The following DNAH9 variants were observed in gnomAD, a reference collection of about 807,000 sequenced individuals.
DNAH9 encodes the protein DNAH9 variant protein.
In DNAH9, 345 loss-of-function variants were observed where a neutral mutation model predicts 471.6. The observed-to-expected ratio is 0.73, with a 90% CI of 0.67 to 0.80. The LOEUF (loss-of-function observed/expected upper bound fraction) is 0.80. DNAH9 is among the 30% of genes least tolerant of loss of function. The pLI, the probability that DNAH9 is intolerant of heterozygous loss-of-function variation, is 0.00. For synonymous variants in DNAH9, 2,093 were observed against 2,123.6 expected, an observed-to-expected ratio of 0.99 and a Z score of 0.40; for missense variants, 5,407 against 5,609.2, an observed-to-expected ratio of 0.96 and a Z score of 1.15.
chr17:11,731,684 A>G (rs2075273642), intron 28 of DNAH9, among the ~76,000 whole-genome samples: 1 of 151,696 alleles, frequency 6.6e-6, no homozygotes. Flanking sequence ...TTTGCTGAGA[A>G]TGATTGTTTC....
At chr17:11,913,843 A>G (rs1973863219) in intron 61 of DNAH9, among the ~76,000 whole-genome samples, 1 of 151,994 alleles carries the variant, frequency 6.6e-6, no homozygotes. Flanking sequence ...CAAGTTTTAG[A>G]TAATTCTTTT....
At chr17:11,884,365 A>G (rs1401671353) in intron 56 of DNAH9, 1 of 282,376 alleles carries the variant, frequency 3.5e-6, no homozygotes, top group African/African-American at 2.2e-5. Flanking sequence ...AAGGGGCCCA[A>G]CCCCTGCTCT....
intron 10 of DNAH9, among the ~76,000 whole-genome samples, chr17:11,641,906 T>TG (rs749145245): frequency 2.0e-4 from 31 of 152,156 alleles, no homozygotes; most frequent in South Asian, 6.2e-4. Context: ...AAAGTTGCAA[T>TG]GGGGGTCTCA....
intron 40 of DNAH9, among the ~76,000 whole-genome samples, 163 bp from the exon 41 acceptor site, chr17:11,784,137 A>G (rs1968770501): frequency 6.6e-6 from 1 of 152,038 alleles, no homozygotes; most frequent in Non-Finnish European, 1.5e-5. Flanking sequence ...TTATTCCCCT[A>G]GTCATTTTAG....
intron 48 of DNAH9, among the ~76,000 whole-genome samples, chr17:11,833,288 A>T (rs895511811): frequency 3.9e-5 from 6 of 152,224 alleles, no homozygotes; most frequent in African/African-American, 1.2e-4. Flanking sequence ...TTCAACTTTA[A>T]TCTGGCCATC....
intron 67 of DNAH9, among the ~76,000 whole-genome samples, chr17:11,954,399 A>G (rs1975534989): frequency 6.6e-6 from 1 of 152,214 alleles, no homozygotes; most frequent in South Asian, 2.1e-4. Context: ...AACTGCTGAA[A>G]CCAGGGATAA....
At position 11,600,863 on chromosome 17, in the gene DNAH9, G is replaced by A. The variant is rs554129913; in HGVS notation, c.417+1948G>A. On this transcript the variant is annotated intron_variant, in intron 1 of 68. Transcript: ENST00000262442. ...ATTCACCCAACAATTTCCAAGTGTA[G>A]AGTACAATATTGTCAACCACATATG... Among the ~76,000 whole-genome samples the A allele has an allele frequency of 9.2e-5, 14 of 152,308 alleles. No individual in the cohort carries two copies. In the South Asian group the frequency reaches 2.9e-3, roughly 32 times the overall value.
chr17:11,929,983 G>A lies in DNAH9; in HGVS notation c.11995G>A (p.Glu3999Lys). Residue 3999 changes from glutamate (E) to lysine (K), a missense_variant, in exon 63 of 69, where the codon GAG becomes AAG. Transcript: ENST00000262442. ...GAGTGCAGAGCCAGCACCCTCCCCTGAGGGCCACATCATCCCCCAGGGCAT... is the reference window on the plus strand; with the variant it reads ...GAGTGCAGAGCCAGCACCCTCCCCTAAGGGCCACATCATCCCCCAGGGCAT... ...FMSAEPAPSPEGHIIPQGILE... is the reference protein window; with the variant it reads ...FMSAEPAPSPKGHIIPQGILE... The A allele has an allele frequency of 6.2e-7, 1 of 1,614,062 alleles. No homozygotes were observed. The highest frequency in any genetic ancestry group is 1.3e-5 in the African/African-American group (1 of 75,032).
chr17:11,708,911 C>A (rs1354281412), intron 26 of DNAH9, among the ~76,000 whole-genome samples: 1 of 152,094 alleles, frequency 6.6e-6, no homozygotes, highest in East Asian at 1.9e-4. Flanking sequence ...ACACAATGGG[C>A]ACTCAAGAAA....
intron 43 of DNAH9, among the ~76,000 whole-genome samples, chr17:11,801,305 C>G (rs1290566879): frequency 6.6e-6 from 1 of 152,118 alleles, no homozygotes; most frequent in Non-Finnish European, 1.5e-5. Context: ...GATGTGAGCT[C>G]CTTGAGCACA....
At chr17:11,610,350 G>A in intron 2 of DNAH9, 46 bp from the exon 3 acceptor site, 2 of 1,553,386 alleles carry the variant, frequency 1.3e-6, no homozygotes, top group Non-Finnish European at 1.8e-6. Context: ...ACGCCTCAGG[G>A]TTTTTGTTTT....
chr17:11,921,973 A>G (rs78959931), intron 61 of DNAH9, among the ~76,000 whole-genome samples: 2 of 152,342 alleles, frequency 1.3e-5, no homozygotes, highest in East Asian at 1.9e-4. Context: ...GTCACAGAAG[A>G]CATCTAAAAG....
Position 11,962,359 on chromosome 17 carries a change from T to C in DNAH9, c.13233+103T>C. Reference sequence around the variant, plus strand: ...CTAAAAGAGATATTCCTGAATCTTTTTCTCTAGCTAACCTTCTTTCCTTGA... The same window carrying C: ...CTAAAAGAGATATTCCTGAATCTTTCTCTCTAGCTAACCTTCTTTCCTTGA... On this transcript the variant is annotated intron_variant, in intron 68 of 68. Coordinates refer to ENST00000262442, the MANE Select transcript of DNAH9 (RefSeq NM_001372.4). This position sits in a 1 kb window ranked among gnomAD's most constrained non-coding sequence, Gnocchi z 4.1. The C allele has an allele frequency of 6.9e-7, 1 of 1,458,614 alleles. No individual in the cohort carries two copies. Among genetic ancestry groups the C allele is most frequent in the South Asian group, 1.5e-5 (1 of 68,094 alleles). The allele number at this position is 1,458,614 out of a possible 1,614,324, so 90.4% of individuals were successfully genotyped here. A position where few individuals can be genotyped will look rare whatever the true frequency, so the allele number is the denominator to read the frequency against.
intron 50 of DNAH9, among the ~76,000 whole-genome samples, chr17:11,867,298 T>C (rs1972095429): frequency 6.6e-6 from 1 of 152,272 alleles, no homozygotes; most frequent in South Asian, 2.1e-4. Context: ...CTGGAAAGCA[T>C]ATCTGTCAGA....
chr17:11,796,145 G>A (rs1431539427), intron 42 of DNAH9, among the ~76,000 whole-genome samples: 1 of 152,150 alleles, frequency 6.6e-6, no homozygotes, highest in East Asian at 1.9e-4. Flanking sequence ...TTGTAAACCA[G>A]CCTTTTCAAA....
intron 52 of DNAH9, among the ~76,000 whole-genome samples, chr17:11,872,851 C>T (rs1455688310): frequency 1.3e-5 from 2 of 152,164 alleles, no homozygotes; most frequent in South Asian, 2.1e-4. Flanking sequence ...ACCCGGGAGG[C>T]GAAGCTTGCA....
At chr17:11,767,496 G>A (rs1318507823) in intron 36 of DNAH9, among the ~76,000 whole-genome samples, 1 of 151,920 alleles carries the variant, frequency 6.6e-6, no homozygotes, top group African/African-American at 2.4e-5. Flanking sequence ...CTTTTTTCGG[G>A]TTTCATAGTT....
chr17:11,925,649 C>T (rs921418909), intron 62 of DNAH9, among the ~76,000 whole-genome samples: 8 of 152,150 alleles, frequency 5.3e-5, no homozygotes, highest in African/African-American at 1.9e-4. Context: ...ACTGTGGTGC[C>T]GCCTCTGCTG....
intron 50 of DNAH9, among the ~76,000 whole-genome samples, chr17:11,866,974 G>A (rs1434533933): frequency 1.3e-5 from 2 of 152,176 alleles, no homozygotes; most frequent in Admixed American, 6.5e-5. Context: ...TGTGCTTCCC[G>A]AGCGAGGCAA....
Sources: gnomAD v4.1 joint callset for allele counts (sites outside exome capture counted in the v4.1 genomes callset) on GRCh38, gnomAD v4.1.1 for gene constraint, Gnocchi (gnomAD v3.1) non-coding constraint, MANE v1.5 for transcripts, NCBI Gene and HGNC (gene_info 2026-07-23, HGNC 2026-07-21) for gene names.